Variants in KCNC2 observed in about 807,000 individuals in gnomAD.
The protein encoded by KCNC2 is potassium voltage-gated channel subfamily C member 2.
Under a neutral mutation model 44.5 loss-of-function variants are expected in KCNC2, and 21 were observed. The ratio of observed to expected loss-of-function variants is 0.47; its 90% CI spans 0.33 to 0.68. The LOEUF (loss-of-function observed/expected upper bound fraction) is 0.68, where lower values mean the gene tolerates loss of function less well. KCNC2 is among the 30% of genes least tolerant of loss of function. KCNC2 has a pLI of 0.01. For synonymous variants in KCNC2, 391 were observed against 339.1 expected (o/e 1.15, Z -1.68); for missense variants, 589 against 826.2 (o/e 0.71, Z 3.52).
At chr12:75,144,722 CT>C (rs1889894906) in intron 2 of KCNC2, among the ~76,000 whole-genome samples, 1 of 151,914 alleles carries the variant, frequency 6.6e-6, no homozygotes, top group South Asian at 2.1e-4. Context: ...TATAGCCTAA[CT>C]TTATAAATAC....
At chr12:75,129,319 A>G (rs980147257) in intron 2 of KCNC2, among the ~76,000 whole-genome samples, 1 of 152,216 alleles carries the variant, frequency 6.6e-6, no homozygotes, top group Non-Finnish European at 1.5e-5. Flanking sequence ...CATGATTGCC[A>G]GTTAGCCTGG....
chr12:75,055,754 C>A (rs964465955), intron 2 of KCNC2, among the ~76,000 whole-genome samples: 2 of 151,952 alleles, frequency 1.3e-5, no homozygotes, highest in African/African-American at 4.8e-5. Flanking sequence ...AATCAGTGAC[C>A]ATGAGTTGGA....
chr12:75,111,776 A>T lies in KCNC2; in HGVS notation c.688-60459T>A, dbSNP rs11180369. Among the ~76,000 whole-genome samples the T allele has an allele frequency of 9.4e-3, 1,427 of 152,216 alleles. 29 individuals are homozygous for T. The highest frequency in any genetic ancestry group is 0.032 in the African/African-American group (1,339 of 41,544). ...AGAAGAGGATGAAGGAAGGGTGAAGAATACATGCACACTAAGATATTATCT... is the reference window on the plus strand; with the variant it reads ...AGAAGAGGATGAAGGAAGGGTGAAGTATACATGCACACTAAGATATTATCT... On this transcript the variant is annotated intron_variant, in intron 2 of 4. Transcript: ENST00000549446.
At chr12:75,175,091 A>G (rs1295250900) in intron 2 of KCNC2, among the ~76,000 whole-genome samples, 1 of 151,922 alleles carries the variant, frequency 6.6e-6, no homozygotes, top group Non-Finnish European at 1.5e-5. Context: ...AGAGAGAAGC[A>G]GAAGACAGCC....
At chr12:75,182,894 T>C (rs1892699978) in intron 2 of KCNC2, among the ~76,000 whole-genome samples, 1 of 152,228 alleles carries the variant, frequency 6.6e-6, no homozygotes, top group African/African-American at 2.4e-5. Flanking sequence ...AGTTTTGGAA[T>C]TGAGGACAAG....
intron 2 of KCNC2, among the ~76,000 whole-genome samples, chr12:75,181,047 A>G (rs1892537552): frequency 6.6e-6 from 1 of 152,196 alleles, no homozygotes; most frequent in Non-Finnish European, 1.5e-5. Flanking sequence ...ATAAATACTT[A>G]AAAGAGAGTC....
intron 2 of KCNC2, among the ~76,000 whole-genome samples, chr12:75,140,515 CT>C (rs1233233013): frequency 4.6e-5 from 7 of 152,026 alleles, no homozygotes; most frequent in Non-Finnish European, 8.8e-5. Context: ...AATGTCTTCC[CT>C]CCCTCGAACA....
chr12:75,102,699 G>A (rs1165685677), intron 2 of KCNC2, among the ~76,000 whole-genome samples: 1 of 151,828 alleles, frequency 6.6e-6, no homozygotes, highest in East Asian at 1.9e-4. Flanking sequence ...TTATCAAACA[G>A]TTGTGCCTTA....
At chr12:75,173,358 T>C (rs1421283210) in intron 2 of KCNC2, among the ~76,000 whole-genome samples, 7 of 151,904 alleles carry the variant, frequency 4.6e-5, no homozygotes, top group Admixed American at 3.3e-4. Context: ...AATCTAAAGA[T>C]ACAATTGAAA....
At chr12:75,155,873 C>A (rs1242542009) in intron 2 of KCNC2, among the ~76,000 whole-genome samples, 1 of 151,744 alleles carries the variant, frequency 6.6e-6, no homozygotes, top group African/African-American at 2.4e-5. Context: ...GTATTATTTA[C>A]AGGGGATGAC....
intron 2 of KCNC2, among the ~76,000 whole-genome samples, chr12:75,062,498 G>T (rs763493891): frequency 3.3e-5 from 5 of 151,782 alleles, no homozygotes; most frequent in Non-Finnish European, 5.9e-5. Flanking sequence ...TTCTACACAA[G>T]GAAAGAGAAA....
intron 2 of KCNC2, among the ~76,000 whole-genome samples, chr12:75,163,235 G>T (rs918656288): frequency 6.6e-6 from 1 of 151,686 alleles, no homozygotes; most frequent in South Asian, 2.1e-4. Context: ...TAATAAAGCT[G>T]ATATTTTATT....
chr12:75,095,093 T>A (rs1204167860), intron 2 of KCNC2, among the ~76,000 whole-genome samples: 2 of 151,860 alleles, frequency 1.3e-5, no homozygotes, highest in African/African-American at 2.4e-5. Context: ...GGATGAAGAC[T>A]GTGCTTACTC....
chr12:75,156,178 G>A (rs532687747), intron 2 of KCNC2, among the ~76,000 whole-genome samples: 3 of 151,840 alleles, frequency 2.0e-5, no homozygotes, highest in Non-Finnish European at 4.4e-5. Flanking sequence ...ATAGCACCAA[G>A]GTCAAACACA....
At position 75,109,039 on chromosome 12, in the gene KCNC2, G is replaced by T. The variant is rs573928162; in HGVS notation, c.688-57722C>A. Among the ~76,000 whole-genome samples, 36 of 152,190 alleles carry T rather than the reference G, an allele frequency of 2.4e-4. 1 individual carries two copies. The highest frequency in any genetic ancestry group is 8.4e-4 in the African/African-American group (35 of 41,530). ...TTGCCAAATTGGAATCAAAATCTTA[G>T]ACATTTCCTAATGCAACAGTGGGCA... On this transcript the variant is annotated intron_variant, in intron 2 of 4. Coordinates refer to ENST00000549446, the MANE Select transcript of KCNC2 (RefSeq NM_139137.4).
chr12:75,201,560 A>T (rs984897269), intron 2 of KCNC2, among the ~76,000 whole-genome samples: 2 of 151,906 alleles, frequency 1.3e-5, no homozygotes, highest in African/African-American at 4.8e-5. Context: ...ACTAGTGTTG[A>T]AATCAAGACT....
chr12:75,066,944 T>C (rs909338820), intron 2 of KCNC2, among the ~76,000 whole-genome samples: 1 of 152,202 alleles, frequency 6.6e-6, no homozygotes, highest in Non-Finnish European at 1.5e-5. Flanking sequence ...GGCTCACGTC[T>C]GTAGTCCCAG....
At chr12:75,146,035 G>C (rs988652189) in intron 2 of KCNC2, among the ~76,000 whole-genome samples, 1 of 150,936 alleles carries the variant, frequency 6.6e-6, no homozygotes, top group African/African-American at 2.4e-5. Flanking sequence ...TTCACTGCAG[G>C]TTCCACCTCC....
chr12:75,120,676 G>A (rs1417034756), intron 2 of KCNC2, among the ~76,000 whole-genome samples: 1 of 152,038 alleles, frequency 6.6e-6, no homozygotes, highest in African/African-American at 2.4e-5. Context: ...AAGACTCCTT[G>A]GCATGTGATT....
Sources: allele counts gnomAD v4.1 joint callset (sites outside exome capture counted in the v4.1 genomes callset), GRCh38; gene constraint gnomAD v4.1.1; transcripts MANE v1.5; gene names NCBI Gene and HGNC (gene_info 2026-07-23, HGNC 2026-07-21).